The following UXT variants were observed in gnomAD, a reference collection of about 807,000 sequenced individuals.
UXT encodes ubiquitously expressed prefoldin like chaperone, also known as protein UXT.
For missense variants in UXT, 111 were observed against 132.7 expected, an observed-to-expected ratio of 0.84 and a Z score of 0.80; for synonymous variants, 54 against 52.8, an observed-to-expected ratio of 1.02 and a Z score of -0.10.
chrX:47,654,620 G>A (rs2058078276), intron 4 of UXT, among the ~76,000 whole-genome samples: 3 of 111,774 alleles, frequency 2.7e-5, no homozygotes, highest in African/African-American at 9.8e-5. Context: ...CCCAAACAAA[G>A]AAATATACTA....
chrX:47,653,035 A>G (rs959364763), intron 4 of UXT, among the ~76,000 whole-genome samples: 2 of 111,928 alleles, frequency 1.8e-5, no homozygotes, highest in East Asian at 5.6e-4. Flanking sequence ...TTTTCCACAA[A>G]AAGGACAAGA....
intron 4 of UXT, among the ~76,000 whole-genome samples, chrX:47,654,682 T>C (rs945917185): frequency 8.9e-6 from 1 of 111,863 alleles, no homozygotes; most frequent in African/African-American, 3.3e-5. Context: ...AGAAAGTTAG[T>C]TCAAAGTATA....
chrX:47,658,974 C>G lies in UXT; in HGVS notation c.-11G>C, dbSNP rs907302097. 8.3e-7 allele frequency: 1 copy of G among 1,211,693 alleles called. No homozygotes were observed. The highest frequency in any genetic ancestry group is 1.8e-5 in the South Asian group (1 of 56,939). On this transcript the variant is annotated 5_prime_UTR_variant, in exon 1 of 6. Transcript: ENST00000335890. ...GAGGGGGAAGACCATGTTGACCGAT[C>G]CAGTTTGGCCTCACACACAGTTCAT... is the stretch of plus-strand genomic sequence containing the variant.
chrX:47,658,624 C>T (rs2058091916), intron 1 of UXT, among the ~76,000 whole-genome samples: 1 of 112,489 alleles, frequency 8.9e-6, no homozygotes, highest in Non-Finnish European at 1.9e-5. Context: ...CATCGGAGGC[C>T]GCGCATGCGC....
rs1396335758 is a variant in UXT at position 47,652,108 on chromosome X, G to C, written c.429C>G (p.Ile143Met). 8.3e-7 allele frequency: 1 copy of C among 1,207,443 alleles called. No individual in the cohort carries two copies. The highest frequency in any genetic ancestry group is 3.0e-5 in the East Asian group (1 of 33,766). ...CTAGCAACATGTGGATATGGGCTTTGATATTCATGGAGTCCTTGGTGAGGC... is the reference window on the plus strand; with the variant it reads ...CTAGCAACATGTGGATATGGGCTTTCATATTCATGGAGTCCTTGGTGAGGC... The change falls in exon 5 of 6, where the codon ATC becomes ATG. Residue 143 changes from isoleucine (I) to methionine (M), a missense_variant. Physicochemically the swap from Ile to Met is conservative, Grantham distance 10. Coordinates refer to ENST00000335890, the MANE Select transcript of UXT (RefSeq NM_153477.3).
At chrX:47,651,984 T>A (rs2058068755) in intron 5 of UXT, 89 bp from the exon 7 acceptor site, 1 of 1,177,861 alleles carries the variant, frequency 8.5e-7, no homozygotes, top group African/African-American at 1.7e-5. Context: ...TGACTCCAGT[T>A]TAGAGGGAAA....
intron 5 of UXT, 58 bp downstream of exon 6, chrX:47,652,019 TCTTC>T: frequency 8.4e-7 from 1 of 1,184,193 alleles, no homozygotes; most frequent in Admixed American, 2.3e-5. Context: ...TCTTTCGCTC[TCTTC>T]CTTCTTCAGG....
intron 1 of UXT, among the ~76,000 whole-genome samples, chrX:47,658,266 C>T (rs1316651271): frequency 9.0e-6 from 1 of 111,599 alleles, no homozygotes; most frequent in Non-Finnish European, 1.9e-5. Context: ...ATGTCCCATC[C>T]TCACCCTAGA....
At chrX:47,657,105 C>T (rs1952439784) in intron 4 of UXT, 78 bp downstream of exon 5, 2 of 863,241 alleles carry the variant, frequency 2.3e-6, no homozygotes, top group Non-Finnish European at 3.3e-6. Context: ...AGTATCATTC[C>T]AGGCAGCCAT....
Position 47,659,084 on chromosome X carries a change from C to A in UXT, c.-121G>T, listed in dbSNP as rs773501960. The A allele has an allele frequency of 3.2e-5, 34 of 1,070,200 alleles. No individual in the cohort carries two copies. The highest frequency in any genetic ancestry group is 4.0e-5 in the Non-Finnish European group (31 of 781,583). The allele number at this position is 1,070,200 out of a possible 1,213,427, so 88.2% of individuals were successfully genotyped here. A position where few individuals can be genotyped will look rare whatever the true frequency, so the allele number is the denominator to read the frequency against. ...CGCCCCTCCCAACTCGGGGACCCGA[C>A]CACCCAGGGACACCCAAGCGCGGCC... On this transcript the variant is annotated 5_prime_UTR_variant, in exon 1 of 6. Transcript: ENST00000335890.
chrX:47,653,875 A>C (rs2058075684), intron 4 of UXT, among the ~76,000 whole-genome samples: 1 of 112,095 alleles, frequency 8.9e-6, no homozygotes, highest in African/African-American at 3.2e-5. Context: ...CAGGAAATAA[A>C]TGAAGTATGG....
At chrX:47,655,618 C>A (rs2058081127) in intron 4 of UXT, among the ~76,000 whole-genome samples, 2 of 112,419 alleles carry the variant, frequency 1.8e-5, no homozygotes, top group Non-Finnish European at 3.8e-5. Context: ...TGCTCAGTGC[C>A]CCCATGCTCA....
intron 4 of UXT, among the ~76,000 whole-genome samples, chrX:47,655,160 G>A (rs2058079845): frequency 9.0e-6 from 1 of 111,646 alleles, no homozygotes; most frequent in Admixed American, 9.5e-5. Flanking sequence ...GGTGCCTGTA[G>A]TCCCAGCTAC....
chrX:47,652,045 AAC>A (rs755159889), intron 5 of UXT, 34 bp downstream of exon 6: 2 of 1,198,119 alleles, frequency 1.7e-6, no homozygotes, highest in Non-Finnish European at 2.3e-6. Flanking sequence ...CACCACCCTA[AAC>A]ACAGAGTCTG....
intron 1 of UXT, among the ~76,000 whole-genome samples, chrX:47,658,384 TCTA>T (rs759276453): frequency 1.8e-5 from 2 of 111,801 alleles, no homozygotes; most frequent in South Asian, 7.4e-4. Context: ...TCATTGAACC[TCTA>T]CTATGTTTCA....
chrX:47,657,151 T>C, intron 4 of UXT, 32 bp downstream of exon 5: 1 of 1,119,430 alleles, frequency 8.9e-7, no homozygotes, highest in Non-Finnish European at 1.2e-6. Context: ...ATGGTGGTGT[T>C]TTTACACACT....
Position 47,654,506 on chromosome X carries a change from G to A in UXT, c.393-2362C>T, listed in dbSNP as rs189976754. 1.1e-3 allele frequency among the ~76,000 whole-genome samples: 117 copies of A among 111,003 alleles called. No homozygotes were observed. The East Asian group carries it at 0.031, about 29-fold the overall frequency. On this transcript the variant is annotated intron_variant, in intron 4 of 5. Coordinates refer to ENST00000335890, the MANE Select transcript of UXT (RefSeq NM_153477.3). ...CAGGTGTGAGCCACCGCGCCCGGCC[G>A]TTAGGCTGTTTCTTCTATAATTACA...
At chrX:47,658,041 A>C (rs369623771) in intron 1 of UXT, among the ~76,000 whole-genome samples, 178 bp from the exon 3 acceptor site, 1 of 110,941 alleles carries the variant, frequency 9.0e-6, no homozygotes. Context: ...TCTATCCTTT[A>C]TAGATGTGTG....
intron 4 of UXT, among the ~76,000 whole-genome samples, chrX:47,654,374 T>C (rs2058077538): frequency 9.1e-6 from 1 of 110,125 alleles, no homozygotes; most frequent in Admixed American, 9.7e-5. Flanking sequence ...TCCCGGCTAA[T>C]TTTTTGTATT....
Sources: gnomAD v4.1 joint callset for allele counts (sites outside exome capture counted in the v4.1 genomes callset) on GRCh38, gnomAD v4.1.1 for gene constraint, MANE v1.5 for transcripts, NCBI Gene and HGNC (gene_info 2026-07-23, HGNC 2026-07-21) for gene names.